Variants in AP3B1 observed in about 807,000 individuals in gnomAD.
AP3B1 encodes the protein adaptor related protein complex 3 subunit beta 1.
Under a neutral mutation model 132.5 loss-of-function variants are expected in AP3B1, and 61 were observed. That is an observed-to-expected ratio of 0.46 (90% CI 0.37 to 0.57). The LOEUF is 0.57. AP3B1 is among the 20% of genes least tolerant of loss of function. AP3B1 has a pLI of 0.00. For synonymous variants in AP3B1, 388 were observed against 438.3 expected, an observed-to-expected ratio of 0.89 and a Z score of 1.43; for missense variants, 1,120 against 1,289.4, an observed-to-expected ratio of 0.87 and a Z score of 2.01.
intron 22 of AP3B1, among the ~76,000 whole-genome samples, chr5:78,077,123 C>A (rs894828673): frequency 2.0e-5 from 3 of 152,058 alleles, no homozygotes; most frequent in Non-Finnish European, 4.4e-5. Flanking sequence ...ACAAATTAGG[C>A]CTTTTTGTTT....
chr5:78,278,629 G>GAAAAA lies in AP3B1; in HGVS notation c.129-11035_129-11034insTTTTT, dbSNP rs1561217293. Among the ~76,000 whole-genome samples the GAAAAA allele has an allele frequency of 1.7e-4, 13 of 76,790 alleles. 1 individual carries two copies. Among genetic ancestry groups the GAAAAA allele is most frequent in the African/African-American group, 4.4e-4 (12 of 27,154 alleles). The allele number at this position is 76,790 out of a possible 152,430, so 50.4% of individuals were successfully genotyped here. On this transcript the variant is annotated intron_variant, in intron 1 of 26. Transcript: ENST00000255194. ...AAAAAAAAAAAAAAAAAAAAAAGGG[G>GAAAAA]GGGGGGGACTAATTAATTATGAGGA...
intron 1 of AP3B1, among the ~76,000 whole-genome samples, chr5:78,276,623 C>A (rs1748786763): frequency 6.6e-6 from 1 of 151,990 alleles, no homozygotes; most frequent in Non-Finnish European, 1.5e-5. Flanking sequence ...GTCCTAGTTA[C>A]TCAAGAGGCT....
chr5:78,128,238 G>T, intron 16 of AP3B1, 78 bp from the exon 17 acceptor site: 7 of 1,308,906 alleles, frequency 5.3e-6, no homozygotes, highest in South Asian at 5.1e-5. Context: ...CAGAGCTCAA[G>T]GTAATTGGCA....
intron 2 of AP3B1, among the ~76,000 whole-genome samples, chr5:78,241,342 T>A (rs1039035523): frequency 1.3e-5 from 2 of 152,080 alleles, no homozygotes. Flanking sequence ...CAGGCGTATG[T>A]CATCATGCCT....
At chr5:78,045,789 A>C (rs1463113223) in intron 22 of AP3B1, among the ~76,000 whole-genome samples, 2 of 152,226 alleles carry the variant, frequency 1.3e-5, no homozygotes, top group Non-Finnish European at 2.9e-5. Context: ...TTATAAAGTG[A>C]TCTAGATTTG....
intron 7 of AP3B1, among the ~76,000 whole-genome samples, chr5:78,190,312 C>T (rs1207690214): frequency 2.6e-5 from 4 of 152,082 alleles, no homozygotes; most frequent in African/African-American, 9.7e-5. Context: ...ATCCGGCTCT[C>T]CCAGTTACTA....
chr5:78,017,243 C>G (rs937563052), intron 25 of AP3B1, among the ~76,000 whole-genome samples: 2 of 152,056 alleles, frequency 1.3e-5, no homozygotes. Flanking sequence ...TTATCGTCAG[C>G]TAATGTATTG....
intron 22 of AP3B1, among the ~76,000 whole-genome samples, chr5:78,064,607 T>C (rs1290824172): frequency 5.3e-5 from 8 of 152,200 alleles, no homozygotes. Context: ...TAGAAAGATG[T>C]GCTTTAAATT....
intron 20 of AP3B1, among the ~76,000 whole-genome samples, chr5:78,104,858 T>C (rs533501517): frequency 2.0e-5 from 3 of 152,252 alleles, no homozygotes; most frequent in African/African-American, 4.8e-5. Context: ...CAAAAGGAAT[T>C]AGCAAAGTTT....
At position 78,023,439 on chromosome 5, in the gene AP3B1, CAAGAA is replaced by C. The variant is rs58834256; in HGVS notation, c.2895-2655_2895-2651del. ...CCTAGGTGATAGAGTGAGACCCCAT[CAAGAA>C]AAGAAAAGAAAAGAAAAGAAAAGAA... On this transcript the variant is annotated intron_variant, in intron 24 of 26. Transcript: ENST00000255194. Among the ~76,000 whole-genome samples the C allele has an allele frequency of 4.4e-3, 651 of 148,620 alleles. 2 individuals carry two copies. The highest frequency in any genetic ancestry group is 0.012 in the South Asian group (57 of 4,624).
At chr5:78,083,106 C>T (rs549642708) in intron 22 of AP3B1, among the ~76,000 whole-genome samples, 225 of 152,230 alleles carry the variant, frequency 1.5e-3, no homozygotes, top group Middle Eastern at 6.8e-3. Flanking sequence ...TGTGAGCCAC[C>T]GCGCCCGGCC....
Position 78,289,855 on chromosome 5 carries a change from A to G in AP3B1, c.128+4597T>C, listed in dbSNP as rs150899494. Among the ~76,000 whole-genome samples the G allele has an allele frequency of 4.1e-3, 625 of 152,236 alleles. 3 individuals are homozygous for G. The highest frequency in any genetic ancestry group is 0.024 in the Middle Eastern group (7 of 294). On this transcript the variant is annotated intron_variant, in intron 1 of 26. Transcript: ENST00000255194. ...CATCCATTCCCATACTTTACTACCTACTATTCATAATTGTGATGTCTAAAT... is the reference window on the plus strand; with the variant it reads ...CATCCATTCCCATACTTTACTACCTGCTATTCATAATTGTGATGTCTAAAT...
At chr5:78,084,308 C>T (rs1418931894) in intron 22 of AP3B1, among the ~76,000 whole-genome samples, 2 of 151,820 alleles carry the variant, frequency 1.3e-5, no homozygotes, top group Non-Finnish European at 1.5e-5. Flanking sequence ...TGGTGAAACC[C>T]TAGCTCTACC....
chr5:78,066,047 T>C (rs1157496311), intron 22 of AP3B1, among the ~76,000 whole-genome samples: 1 of 152,082 alleles, frequency 6.6e-6, no homozygotes, highest in Non-Finnish European at 1.5e-5. Context: ...GGGTCTGGAG[T>C]GGGCCCCAGC....
At chr5:78,053,792 G>C (rs948849821) in intron 22 of AP3B1, among the ~76,000 whole-genome samples, 4 of 151,634 alleles carry the variant, frequency 2.6e-5, no homozygotes, top group Non-Finnish European at 5.9e-5. Context: ...TATACTATAC[G>C]AGGTCTCTCT....
intron 20 of AP3B1, among the ~76,000 whole-genome samples, chr5:78,101,636 T>A (rs1352050985): frequency 6.6e-6 from 1 of 152,044 alleles, no homozygotes; most frequent in African/African-American, 2.4e-5. Flanking sequence ...AAATAAATAT[T>A]TCAAAAACAT....
Position 78,080,770 on chromosome 5 carries a change from G to A in AP3B1, c.2577+8623C>T, listed in dbSNP as rs149248940. Among the ~76,000 whole-genome samples the A allele has an allele frequency of 7.1e-4, 107 of 151,550 alleles. 1 individual carries two copies. The East Asian group carries it at 0.014, about 20-fold the overall frequency. On this transcript the variant is annotated intron_variant, in intron 22 of 26. Coordinates refer to ENST00000255194, the MANE Select transcript of AP3B1 (RefSeq NM_003664.5). ...CCTCACATGCAACCATTCAATAATT[G>A]TAATAAGCACACATATTTTAGATTT... is the stretch of plus-strand genomic sequence containing the variant.
intron 22 of AP3B1, among the ~76,000 whole-genome samples, chr5:78,061,921 A>G (rs927575924): frequency 3.9e-5 from 6 of 152,364 alleles, no homozygotes; most frequent in Non-Finnish European, 8.8e-5. Context: ...AAAGAAAGGC[A>G]AAGTGATTGA....
At chr5:78,240,603 C>T (rs1747087741) in intron 3 of AP3B1, among the ~76,000 whole-genome samples, 1 of 152,144 alleles carries the variant, frequency 6.6e-6, no homozygotes, top group African/African-American at 2.4e-5. Context: ...CCTCTAGGAA[C>T]AGGTGAAAAC....
Sources: allele counts gnomAD v4.1 joint callset (sites outside exome capture counted in the v4.1 genomes callset), GRCh38; gene constraint gnomAD v4.1.1; transcripts MANE v1.5; gene names NCBI Gene and HGNC (gene_info 2026-07-23, HGNC 2026-07-21).